The following LMBRD1 variants were observed in gnomAD, a reference collection of about 807,000 sequenced individuals.
The protein encoded by LMBRD1 is LMBR1 domain containing 1, also known as lysosomal cobalamin transport escort protein LMBD1.
A neutral mutation model predicts 74.8 loss-of-function variants in LMBRD1; 64 were observed. The observed-to-expected ratio is 0.86, with a 90% confidence interval of 0.70 to 1.05. The LOEUF is 1.05. LMBRD1 is among the 50% of genes least tolerant of loss of function. The pLI is 0.00. For synonymous variants in LMBRD1, 204 were observed against 216.3 expected, an observed-to-expected ratio of 0.94 and a Z score of 0.50; for missense variants, 652 against 645.9, an observed-to-expected ratio of 1.01 and a Z score of -0.10.
At chr6:69,754,538 A>G (rs1765230445) in intron 3 of LMBRD1, among the ~76,000 whole-genome samples, 1 of 152,234 alleles carries the variant, frequency 6.6e-6, no homozygotes, top group African/African-American at 2.4e-5. Context: ...GTCTGTCAAC[A>G]TACTGAATTT....
At chr6:69,703,086 G>C (rs1225778387) in intron 9 of LMBRD1, among the ~76,000 whole-genome samples, 5 of 152,046 alleles carry the variant, frequency 3.3e-5, no homozygotes, top group Non-Finnish European at 5.9e-5. Context: ...CTTGAAAAGA[G>C]AGTGATATTG....
intron 3 of LMBRD1, among the ~76,000 whole-genome samples, chr6:69,766,904 T>C (rs1198080303): frequency 1.3e-5 from 2 of 151,824 alleles, no homozygotes; most frequent in African/African-American, 4.8e-5. Context: ...CTATGCTTGC[T>C]ACAGTGCTAT....
chr6:69,696,311 C>T (rs961586211), intron 14 of LMBRD1, among the ~76,000 whole-genome samples: 1 of 152,090 alleles, frequency 6.6e-6, no homozygotes, highest in Non-Finnish European at 1.5e-5. Context: ...TTTTAGATAG[C>T]TCTCCCTCCC....
At chr6:69,756,362 C>CAA (rs57798368) in intron 3 of LMBRD1, among the ~76,000 whole-genome samples, 9 of 110,412 alleles carry the variant, frequency 8.2e-5, no homozygotes, top group Non-Finnish European at 1.1e-4. Context: ...GACTCAATCT[C>CAA]AAAAAAAAAA....
intron 14 of LMBRD1, among the ~76,000 whole-genome samples, chr6:69,686,775 C>A (rs1428794265): frequency 1.3e-5 from 2 of 152,162 alleles, no homozygotes; most frequent in African/African-American, 4.8e-5. Flanking sequence ...ACCCTTGGCT[C>A]ATTATGATCT....
chr6:69,677,953 C>A (rs1015644851), intron 14 of LMBRD1, among the ~76,000 whole-genome samples: 1 of 152,094 alleles, frequency 6.6e-6, no homozygotes, highest in Admixed American at 6.6e-5. Context: ...AAGTCATCTA[C>A]ACATATTCAA....
At chr6:69,743,458 G>C (rs1767150636) in intron 5 of LMBRD1, among the ~76,000 whole-genome samples, 2 of 152,150 alleles carry the variant, frequency 1.3e-5, no homozygotes, top group African/African-American at 4.8e-5. Flanking sequence ...CTCCTGAGCA[G>C]AATTATCTAG....
At chr6:69,704,102 T>G (rs1354106622) in intron 9 of LMBRD1, among the ~76,000 whole-genome samples, 1 of 152,060 alleles carries the variant, frequency 6.6e-6, no homozygotes, top group Non-Finnish European at 1.5e-5. Context: ...CCATTACTGA[T>G]GAGCTTAACT....
At chr6:69,787,172 A>G (rs1200817437) in intron 2 of LMBRD1, among the ~76,000 whole-genome samples, 1 of 152,196 alleles carries the variant, frequency 6.6e-6, no homozygotes, top group Non-Finnish European at 1.5e-5. Flanking sequence ...ATCTTTCACT[A>G]GGCACCTGAA....
chr6:69,716,860 TTTAA>T (rs34566169), intron 8 of LMBRD1, among the ~76,000 whole-genome samples: 50,518 of 150,566 alleles, frequency 0.34, 9,489 homozygotes, highest in East Asian at 0.54. Flanking sequence ...TAGATTAAAC[TTTAA>T]TTATTAAATA....
chr6:69,692,352 C>A (rs1250244164), intron 14 of LMBRD1, among the ~76,000 whole-genome samples: 1 of 152,018 alleles, frequency 6.6e-6, no homozygotes, highest in African/African-American at 2.4e-5. Flanking sequence ...CCACAAAAAT[C>A]AACTTTGATT....
chr6:69,784,229 T>C (rs577534097), intron 2 of LMBRD1, among the ~76,000 whole-genome samples: 1 of 152,310 alleles, frequency 6.6e-6, no homozygotes, highest in Non-Finnish European at 1.5e-5. Context: ...CACAAAAGAA[T>C]GTGAGACAAT....
chr6:69,746,137 T>C (rs1313696538), intron 5 of LMBRD1: 1 of 161,054 alleles, frequency 6.2e-6, no homozygotes, highest in Non-Finnish European at 1.4e-5. Flanking sequence ...TGGGGTGATT[T>C]GGGCGCTGAT....
intron 3 of LMBRD1, among the ~76,000 whole-genome samples, chr6:69,768,766 G>A (rs1413595736): frequency 6.6e-6 from 1 of 151,892 alleles, no homozygotes; most frequent in Non-Finnish European, 1.5e-5. Flanking sequence ...AGGGATTCTT[G>A]CAATGAATTT....
In LMBRD1 at chr6:69,738,012, C is replaced by CTA; in HGVS notation, c.565_566insTA (p.Gly189ValfsTer3). On this transcript the variant is annotated frameshift_variant, in exon 7 of 16. Transcript: ENST00000649934. LOFTEE classifies it high-confidence loss of function. ...GATAGAAAATGACAATGCAGCTAAA[C>CTA]CATCTGTGAAGAAAGAAAAACTGTT... 1 of 1,606,886 alleles carries CTA rather than the reference C, an allele frequency of 6.2e-7. No homozygotes were observed. The highest frequency in any genetic ancestry group is 8.5e-7 in the Non-Finnish European group (1 of 1,175,318).
chr6:69,678,218 T>C (rs548199795), intron 14 of LMBRD1, among the ~76,000 whole-genome samples: 2 of 152,284 alleles, frequency 1.3e-5, no homozygotes, highest in Middle Eastern at 3.4e-3. Context: ...GAAAATGTTA[T>C]TAAGAAAATC....
Position 69,706,045 on chromosome 6 carries a change from T to A in LMBRD1, c.916-4092A>T, listed in dbSNP as rs1582069138. 5 of 727,106 alleles carry A rather than the reference T, an allele frequency of 6.9e-6. No individual in the cohort carries two copies. The East Asian group carries it at 1.4e-4, about 20-fold the overall frequency. The allele number at this position is 727,106 out of a possible 1,614,324, so 45.0% of individuals were successfully genotyped here. On this transcript the variant is annotated intron_variant, in intron 9 of 15. Transcript: ENST00000649934. ...GACCGTTCTTAAAGATAACTAGTGC[T>A]CATTTTCATCATTATCCACCTTAAA...
chr6:69,763,459 A>C (rs1251607251), intron 3 of LMBRD1, among the ~76,000 whole-genome samples: 1 of 152,194 alleles, frequency 6.6e-6, no homozygotes, highest in Non-Finnish European at 1.5e-5. Flanking sequence ...AGATGGGATG[A>C]AATGAAGGAA....
At chr6:69,711,374 A>G (rs1233023194) in intron 9 of LMBRD1, among the ~76,000 whole-genome samples, 1 of 152,166 alleles carries the variant, frequency 6.6e-6, no homozygotes, top group East Asian at 1.9e-4. Context: ...TGGATGCCCT[A>G]TCTATCTATA....
Sources: allele counts gnomAD v4.1 joint callset (sites outside exome capture counted in the v4.1 genomes callset), GRCh38; gene constraint gnomAD v4.1.1; transcripts MANE v1.5; gene names NCBI Gene and HGNC (gene_info 2026-07-23, HGNC 2026-07-21).